USP8: variants seen among roughly 807,000 people sequenced by gnomAD.
USP8 encodes ubiquitin carboxyl-terminal hydrolase 8.
USP8 carries 27 observed loss-of-function variants against 130.0 expected under a neutral mutation model. The observed-to-expected ratio is 0.21, with a 90% CI of 0.15 to 0.29. USP8 has a LOEUF of 0.29. Among genes scored for constraint, USP8 ranks in the 10% least tolerant of loss-of-function variants. The pLI, the probability that USP8 is intolerant of heterozygous loss-of-function variation, is 1.00. For synonymous variants in USP8, 392 were observed against 444.1 expected, an observed-to-expected ratio of 0.88 and a Z score of 1.48; for missense variants, 1,029 against 1,312.2, an observed-to-expected ratio of 0.78 and a Z score of 3.33.
chr15:50,449,014 T>A (rs1347753916), intron 3 of USP8, among the ~76,000 whole-genome samples: 1 of 152,244 alleles, frequency 6.6e-6, no homozygotes, highest in Non-Finnish European at 1.5e-5. Flanking sequence ...ATGTTGTGTC[T>A]GTACACAATT....
chr15:50,507,108 C>A lies in USP8; in HGVS notation c.*8020C>A, dbSNP rs563861103. On this transcript the variant is annotated 3_prime_UTR_variant, in exon 20 of 20. Transcript: ENST00000307179. Reference sequence around the variant, plus strand: ...GACCACCCTGGCCAACATGGCAAAACCCGGTCTCTACTAAAAATACAAAAA... The same window carrying A: ...GACCACCCTGGCCAACATGGCAAAAACCGGTCTCTACTAAAAATACAAAAA... 6.6e-6 allele frequency: 1 copy of A among 152,144 alleles called. No homozygotes were observed. The highest frequency in any genetic ancestry group is 2.1e-4 in the South Asian group (1 of 4,816). The allele number at this position is 152,144 out of a possible 1,614,324, so 9.4% of individuals were successfully genotyped here. A position where few individuals can be genotyped will look rare whatever the true frequency, so the allele number is the denominator to read the frequency against.
At chr15:50,431,673 C>T (rs1367185736) in intron 1 of USP8, among the ~76,000 whole-genome samples, 2 of 151,930 alleles carry the variant, frequency 1.3e-5, no homozygotes, top group African/African-American at 2.4e-5. Flanking sequence ...CTATTTTTTC[C>T]GAGATGGAGT....
intron 5 of USP8, 34 bp downstream of exon 5, chr15:50,459,196 G>A (rs2141278041): frequency 6.4e-7 from 1 of 1,572,962 alleles, no homozygotes; most frequent in Non-Finnish European, 8.6e-7. Flanking sequence ...TTAAAAGACT[G>A]TTTCTGCTTG....
At chr15:50,493,810 G>A (rs780710144) in intron 15 of USP8, 45 of 608,766 alleles carry the variant, frequency 7.4e-5, no homozygotes, top group Non-Finnish European at 1.2e-4. Flanking sequence ...GTGCCAGAAG[G>A]CAGAACCTCG....
rs1566897704 is a variant in USP8 at position 50,500,063 on chromosome 15, A to G, written c.*975A>G. The G allele has an allele frequency of 6.6e-6, 1 of 152,128 alleles. No homozygotes were observed. Among genetic ancestry groups the G allele is most frequent in the Non-Finnish European group, 1.5e-5 (1 of 68,022 alleles). The allele number at this position is 152,128 out of a possible 1,614,324, so 9.4% of individuals were successfully genotyped here. The stretch of plus-strand genomic sequence containing the variant: ...TATTTAACCGAGGGACTCAGTTGCT[A>G]TATATATAGTCAGTAAAACACTCCA... On this transcript the variant is annotated 3_prime_UTR_variant, in exon 20 of 20. Coordinates refer to ENST00000307179, the MANE Select transcript of USP8 (RefSeq NM_005154.5).
At chr15:50,492,607 T>A in intron 14 of USP8, 94 bp from the exon 15 acceptor site, 1 of 1,229,382 alleles carries the variant, frequency 8.1e-7, no homozygotes, top group Non-Finnish European at 1.1e-6. Context: ...ATGCCTGTGG[T>A]ACAGGTGCTA....
In USP8 at chr15:50,511,632, T is replaced by G. The variant is rs2052739749; in HGVS notation, c.*12544T>G. 1 of 152,240 alleles carries G rather than the reference T, an allele frequency of 6.6e-6. No homozygotes were observed. Among genetic ancestry groups the G allele is most frequent in the African/African-American group, 2.4e-5 (1 of 41,468 alleles). 9.4% of individuals were successfully genotyped at this position (152,240 alleles called of 1,614,324 possible). A position where few individuals can be genotyped will look rare whatever the true frequency, so the allele number is the denominator to read the frequency against. On this transcript the variant is annotated 3_prime_UTR_variant, in exon 20 of 20. Transcript: ENST00000307179. ...ATACATGCTATGACATGAATGAAAC[T>G]TGAAAACATTATGCTGAATAAAAGA...
chr15:50,488,888 T>A (rs1278427814), intron 12 of USP8, among the ~76,000 whole-genome samples: 2 of 151,862 alleles, frequency 1.3e-5, no homozygotes, highest in African/African-American at 2.4e-5. Context: ...TGGCTAATTT[T>A]AAAAATTTTT....
chr15:50,468,947 A>T (rs1429471413), intron 7 of USP8, among the ~76,000 whole-genome samples: 1 of 151,906 alleles, frequency 6.6e-6, no homozygotes, highest in Non-Finnish European at 1.5e-5. Flanking sequence ...GTAAGTTACT[A>T]CCCGTATCCC....
rs980430842 is a variant in USP8, at chr15:50,505,785, CTGG to C, written c.*6699_*6701del. 2.0e-5 allele frequency: 3 copies of C among 152,122 alleles called. No homozygotes were observed. The highest frequency in any genetic ancestry group is 7.3e-5 in the African/African-American group (3 of 41,344). 9.4% of individuals were successfully genotyped at this position (152,122 alleles called of 1,614,324 possible). A position where few individuals can be genotyped will look rare whatever the true frequency, so the allele number is the denominator to read the frequency against. ...ACCAGCCTGGGCAACATAGTGAGAC[CTGG>C]TCTCTAAAAAAAATAAAAAAGTTGG... is the stretch of plus-strand genomic sequence containing the variant. On this transcript the variant is annotated 3_prime_UTR_variant, in exon 20 of 20. Coordinates refer to ENST00000307179, the MANE Select transcript of USP8 (RefSeq NM_005154.5).
At chr15:50,486,992 C>T (rs368081820) in intron 12 of USP8, among the ~76,000 whole-genome samples, 10 of 152,050 alleles carry the variant, frequency 6.6e-5, no homozygotes, top group African/African-American at 2.4e-4. Context: ...GGTGTGGTGG[C>T]GTGTGCCTGT....
chr15:50,447,209 G>A (rs926645576), intron 3 of USP8, among the ~76,000 whole-genome samples: 3 of 152,090 alleles, frequency 2.0e-5, no homozygotes, highest in Admixed American at 6.5e-5. Context: ...GCTACTGGAC[G>A]CTGGTCTTAT....
intron 15 of USP8, chr15:50,493,674 G>T (rs1007571337): frequency 1.1e-5 from 4 of 371,396 alleles, no homozygotes; most frequent in Non-Finnish European, 2.1e-5. Context: ...GAGCCCAGAA[G>T]GTCAAGGCTG....
intron 13 of USP8, 21 bp from the exon 14 acceptor site, chr15:50,490,237 GTTTTT>G: frequency 8.1e-7 from 1 of 1,229,254 alleles, no homozygotes. Context: ...TTTTTGACCT[GTTTTT>G]TTTTTTCTTT....
rs1164277077 is a variant in USP8, at chr15:50,508,734, A to G, written c.*9646A>G. The G allele has an allele frequency of 6.6e-6, 1 of 152,188 alleles. No individual in the cohort carries two copies. Among genetic ancestry groups the G allele is most frequent in the Non-Finnish European group, 1.5e-5 (1 of 68,052 alleles). The allele number at this position is 152,188 out of a possible 1,614,324, so 9.4% of individuals were successfully genotyped here. ...GGATGTTAGCCTGCCACAGTGGTTC[A>G]TGCCTATAATCCCTGCACTTTGGGA... On this transcript the variant is annotated 3_prime_UTR_variant, in exon 20 of 20. Coordinates refer to ENST00000307179, the MANE Select transcript of USP8 (RefSeq NM_005154.5).
chr15:50,480,798 A>G (rs2051739530), intron 10 of USP8, among the ~76,000 whole-genome samples: 2 of 151,882 alleles, frequency 1.3e-5, no homozygotes, highest in African/African-American at 2.4e-5. Flanking sequence ...TCCTCTGGCT[A>G]TAATGTGGAG....
chr15:50,482,445 A>AAAAT, intron 11 of USP8, among the ~76,000 whole-genome samples: 1 of 152,238 alleles, frequency 6.6e-6, no homozygotes, highest in East Asian at 1.9e-4. Context: ...TAGAATTTAT[A>AAAAT]TCTGTTTAGA....
At chr15:50,433,955 G>C (rs1039265923) in intron 1 of USP8, among the ~76,000 whole-genome samples, 7 of 152,032 alleles carry the variant, frequency 4.6e-5, no homozygotes, top group Non-Finnish European at 7.4e-5. Flanking sequence ...TTCACTTTTG[G>C]AGCACTGCTG....
chr15:50,430,867 A>G (rs1313088031), intron 1 of USP8, among the ~76,000 whole-genome samples: 1 of 152,216 alleles, frequency 6.6e-6, no homozygotes, highest in African/African-American at 2.4e-5. Flanking sequence ...TGTTGGGGGT[A>G]ATTTTGCCTT....
Sources: allele counts gnomAD v4.1 joint callset (sites outside exome capture counted in the v4.1 genomes callset), GRCh38; gene constraint gnomAD v4.1.1; transcripts MANE v1.5; gene names NCBI Gene and HGNC (gene_info 2026-07-23, HGNC 2026-07-21).